The following PSD3 variants were observed in gnomAD, a reference collection of about 807,000 sequenced individuals.
The protein encoded by PSD3 is pleckstrin and Sec7 domain containing 3.
PSD3 carries 49 observed loss-of-function variants against 105.5 expected under a neutral mutation model. That is an observed-to-expected ratio of 0.46 (90% CI 0.37 to 0.59). The LOEUF (loss-of-function observed/expected upper bound fraction) is 0.59, where lower values mean the gene tolerates loss of function less well. Among genes scored for constraint, PSD3 ranks in the 20% least tolerant of loss-of-function variants. The pLI is 0.00. For synonymous variants in PSD3, 557 were observed against 457.8 expected, an observed-to-expected ratio of 1.22 and a Z score of -2.77; for missense variants, 1,561 against 1,263.8, an observed-to-expected ratio of 1.24 and a Z score of -3.57.
At chr8:18,950,094 T>C (rs903154858) in intron 1 of PSD3, among the ~76,000 whole-genome samples, 4 of 152,134 alleles carry the variant, frequency 2.6e-5, no homozygotes, top group Admixed American at 6.5e-5. Flanking sequence ...ATTTAAACTA[T>C]AGCTTTGTCA....
At chr8:19,013,999 C>G (rs2129475552), upstream of PSD3, 1 of 152,612 alleles carries the variant, frequency 6.6e-6, no homozygotes, top group Admixed American at 6.5e-5. Flanking sequence ...CCCGGACCGT[C>G]CGCTGCCTCC....
chr8:18,960,167 C>T (rs1823825763), intron 1 of PSD3, among the ~76,000 whole-genome samples: 1 of 152,190 alleles, frequency 6.6e-6, no homozygotes, highest in South Asian at 2.1e-4. Flanking sequence ...CCCTGTCTAG[C>T]TCTCTGAATT....
intron 12 of PSD3, among the ~76,000 whole-genome samples, chr8:18,581,176 A>C (rs955710052): frequency 1.3e-5 from 2 of 152,206 alleles, no homozygotes; most frequent in Non-Finnish European, 2.9e-5. Context: ...ATGATGGATC[A>C]TCAGAACCAA....
At chr8:18,735,038 G>T (rs1018055024) in intron 9 of PSD3, among the ~76,000 whole-genome samples, 1 of 152,132 alleles carries the variant, frequency 6.6e-6, no homozygotes. Flanking sequence ...CACATACGCC[G>T]AGGACCACTC....
chr8:18,972,036 T>C (rs1399106733), intron 1 of PSD3, among the ~76,000 whole-genome samples: 1 of 151,440 alleles, frequency 6.6e-6, no homozygotes, highest in Non-Finnish European at 1.5e-5. Context: ...CTATAAAGAG[T>C]CAGATGAAGA....
At chr8:18,897,741 T>C (rs1819244252) in intron 2 of PSD3, among the ~76,000 whole-genome samples, 1 of 152,166 alleles carries the variant, frequency 6.6e-6, no homozygotes, top group Non-Finnish European at 1.5e-5. Context: ...AATTTTTCCC[T>C]AGGTATTTTA....
intron 1 of PSD3, among the ~76,000 whole-genome samples, chr8:19,070,509 C>G (rs937299010): frequency 6.6e-6 from 1 of 151,998 alleles, no homozygotes; most frequent in African/African-American, 2.4e-5. Context: ...AACGCTATCT[C>G]TACTAAAAAT....
chr8:18,852,457 T>C (rs1815664091), intron 4 of PSD3, among the ~76,000 whole-genome samples: 2 of 152,296 alleles, frequency 1.3e-5, no homozygotes, highest in East Asian at 1.9e-4. Context: ...TTTCTGACAG[T>C]CCTTTCTTGA....
intron 1 of PSD3, among the ~76,000 whole-genome samples, chr8:18,971,328 C>T (rs541936002): frequency 6.6e-6 from 1 of 152,252 alleles, no homozygotes; most frequent in East Asian, 1.9e-4. Context: ...ACAGGCTGAC[C>T]GAGTCACTGC....
chr8:18,544,583 T>G (rs1800348373), intron 15 of PSD3, among the ~76,000 whole-genome samples: 1 of 152,200 alleles, frequency 6.6e-6, no homozygotes, highest in Non-Finnish European at 1.5e-5. Flanking sequence ...AATTCCGTTC[T>G]TTTGATTCAT....
At chr8:18,950,283 T>G (rs1313234163) in intron 1 of PSD3, among the ~76,000 whole-genome samples, 1 of 152,234 alleles carries the variant, frequency 6.6e-6, no homozygotes, top group African/African-American at 2.4e-5. Flanking sequence ...AGTGGTTATT[T>G]TATTAGTTTT....
At chr8:18,600,617 T>C (rs1263890053) in intron 11 of PSD3, among the ~76,000 whole-genome samples, 183 bp from the exon 12 acceptor site, 1 of 152,176 alleles carries the variant, frequency 6.6e-6, no homozygotes, top group Non-Finnish European at 1.5e-5. Context: ...GTTTTCCATA[T>C]ACGATCTTAA....
At chr8:18,539,798 G>A (rs974724511) in intron 15 of PSD3, among the ~76,000 whole-genome samples, 10 of 151,844 alleles carry the variant, frequency 6.6e-5, no homozygotes, top group South Asian at 2.1e-4. Flanking sequence ...CGCCTGCCTC[G>A]GCCTCTCAAA....
intron 12 of PSD3, among the ~76,000 whole-genome samples, chr8:18,594,254 T>TAC (rs1803881159): frequency 5.2e-5 from 1 of 19,282 alleles, no homozygotes; most frequent in Admixed American, 9.2e-4. Context: ...ATATATATTA[T>TAC]ATAATATATA....
intron 9 of PSD3, among the ~76,000 whole-genome samples, chr8:18,736,946 G>C (rs1161523790): frequency 1.3e-5 from 2 of 152,128 alleles, no homozygotes; most frequent in South Asian, 2.1e-4. Flanking sequence ...TTCAAATATA[G>C]AGAGATGATT....
At chr8:18,804,647 T>C (rs1177916280) in intron 5 of PSD3, 45 bp from the exon 6 acceptor site, 7 of 1,611,516 alleles carry the variant, frequency 4.3e-6, no homozygotes, top group Non-Finnish European at 5.9e-6. Flanking sequence ...GGTAAACTAT[T>C]TAAAACACAC....
chr8:18,959,787 T>A (rs539714048), intron 1 of PSD3, among the ~76,000 whole-genome samples: 27 of 152,264 alleles, frequency 1.8e-4, no homozygotes, highest in African/African-American at 6.0e-4. Context: ...CCAGGTCTGT[T>A]AACACAAGGC....
intron 12 of PSD3, among the ~76,000 whole-genome samples, chr8:18,582,960 G>C (rs554869844): frequency 1.3e-5 from 2 of 151,680 alleles, no homozygotes; most frequent in Admixed American, 6.6e-5. Flanking sequence ...TGAGTAGCTA[G>C]GATTTTACAG....
At chr8:19,076,919 G>A (rs1372730389) in intron 1 of PSD3, among the ~76,000 whole-genome samples, 1 of 152,074 alleles carries the variant, frequency 6.6e-6, no homozygotes, top group Non-Finnish European at 1.5e-5. Flanking sequence ...AGGCCTTTAT[G>A]GGATGGACTT....
Sources: gnomAD v4.1 joint callset for allele counts (sites outside exome capture counted in the v4.1 genomes callset) on GRCh38, gnomAD v4.1.1 for gene constraint, MANE v1.5 for transcripts, NCBI Gene and HGNC (gene_info 2026-07-23, HGNC 2026-07-21) for gene names.